The following COL27A1 variants were observed in gnomAD, a reference collection of about 807,000 sequenced individuals.
COL27A1 encodes collagen type XXVII alpha 1 chain.
In COL27A1, 106 loss-of-function variants were observed where a neutral mutation model predicts 251.3. The ratio of observed to expected loss-of-function variants is 0.42; its 90% CI spans 0.36 to 0.50. The LOEUF (loss-of-function observed/expected upper bound fraction) is 0.50. COL27A1 is among the 20% of genes least tolerant of loss of function. The probability of loss-of-function intolerance (pLI) is 0.00; values close to 1 mark genes in which losing one functional copy is unlikely to be tolerated. For missense variants in COL27A1, 2,325 were observed against 2,522.8 expected (o/e 0.92, Z 1.68); for synonymous variants, 1,000 against 986.3 (o/e 1.01, Z -0.26).
chr9:114,300,996 T>G (rs1011235524), intron 51 of COL27A1, 76 bp from the exon 52 acceptor site: 8 of 1,430,058 alleles, frequency 5.6e-6, no homozygotes, highest in Non-Finnish European at 3.8e-6. Context: ...ACGCTCGGGC[T>G]GCCCTCCACC....
At chr9:114,218,174 G>A (rs956797389) in intron 12 of COL27A1, 3 of 217,082 alleles carry the variant, frequency 1.4e-5, no homozygotes, top group African/African-American at 2.3e-5. Context: ...GAGGTGAGAC[G>A]ATCTACCTTC....
chr9:114,212,418 A>G (rs772456715), intron 12 of COL27A1, among the ~76,000 whole-genome samples: 14 of 152,252 alleles, frequency 9.2e-5, no homozygotes, highest in Non-Finnish European at 1.8e-4. Context: ...AGAGCAGTGG[A>G]TAAGACAAAG....
At chr9:114,215,288 C>G (rs28545589) in intron 12 of COL27A1, among the ~76,000 whole-genome samples, 2,029 of 152,340 alleles carry the variant, frequency 0.013, 49 homozygotes, top group African/African-American at 0.045. Flanking sequence ...TTACAGGCAG[C>G]AAGCAGCCAA....
chr9:114,234,910 T>C (rs921188976), intron 16 of COL27A1, among the ~76,000 whole-genome samples: 1 of 99,222 alleles, frequency 1.0e-5, no homozygotes, highest in Non-Finnish European at 2.1e-5. Flanking sequence ...TTACTAAAAA[T>C]ACAAAAAAAA....
chr9:114,269,909 G>A (rs5003737), intron 35 of COL27A1, among the ~76,000 whole-genome samples: 78,663 of 152,060 alleles, frequency 0.52, 22,720 homozygotes, highest in African/African-American at 0.79. Flanking sequence ...ACTCTGAACA[G>A]CGATGAATTC....
chr9:114,200,875 G>A (rs541256025), intron 7 of COL27A1, among the ~76,000 whole-genome samples: 233 of 152,340 alleles, frequency 1.5e-3, no homozygotes, highest in African/African-American at 5.4e-3. Context: ...AGCTTGGTGA[G>A]TTTCATGTCA....
At chr9:114,235,751 C>A (rs1257878023) in intron 17 of COL27A1, 99 bp downstream of exon 17, 1 of 870,506 alleles carries the variant, frequency 1.1e-6, no homozygotes, top group Non-Finnish European at 2.0e-6. Flanking sequence ...AGCAAGGACC[C>A]ACCTGTAAGA....
At chr9:114,266,490 C>T (rs1834752381) in intron 32 of COL27A1, 75 bp from the exon 33 acceptor site, 1 of 1,298,204 alleles carries the variant, frequency 7.7e-7, no homozygotes, top group Non-Finnish European at 1.1e-6. Flanking sequence ...TCAGCTCCCT[C>T]ATTCACCCCT....
intron 7 of COL27A1, among the ~76,000 whole-genome samples, chr9:114,197,387 G>A (rs567578361): frequency 5.9e-5 from 9 of 152,322 alleles, no homozygotes; most frequent in African/African-American, 2.2e-4. Context: ...CACCCCAGAA[G>A]CAGTGGCTGT....
At chr9:114,184,431 T>C (rs1329211786) in intron 5 of COL27A1, among the ~76,000 whole-genome samples, 2 of 152,172 alleles carry the variant, frequency 1.3e-5, no homozygotes, top group Non-Finnish European at 2.9e-5. Flanking sequence ...GGCATATGGA[T>C]CTGTGGTGTC....
rs374794878 is a variant in COL27A1, at chr9:114,253,507, GGAAGAACA to G, written c.3141+589_3141+596del. Among the ~76,000 whole-genome samples, 336 of 149,638 alleles carry G rather than the reference GGAAGAACA, an allele frequency of 2.2e-3. 8 individuals are homozygous for G. The South Asian group carries it at 0.037, about 16-fold the overall frequency. On this transcript the variant is annotated intron_variant, in intron 27 of 60. Coordinates refer to ENST00000356083, the MANE Select transcript of COL27A1 (RefSeq NM_032888.4). ...AGAAAGGAAGGAATGAAGGAAGGAAGGAAGAACAGAAGAACAGAAGAGAAGAGAAGAGG... is the reference window on the plus strand; with the variant it reads ...AGAAAGGAAGGAATGAAGGAAGGAAGGAAGAACAGAAGAGAAGAGAAGAGG...
intron 10 of COL27A1, among the ~76,000 whole-genome samples, chr9:114,207,371 C>T (rs1003788802): frequency 6.6e-6 from 1 of 152,138 alleles, no homozygotes; most frequent in African/African-American, 2.4e-5. Flanking sequence ...GCTCTTGTCC[C>T]AGGGTGCTGT....
rs747764444 is a variant in COL27A1 at position 114,290,213 on chromosome 9, G to A, written c.4261-11G>A. ...CCAAATGCCCTCACCAGCTTTTTAT[G>A]TACCCCCCAGGGCCTGCAGGGGCTG... On this transcript the variant is annotated splice_polypyrimidine_tract_variant and intron_variant, in intron 46 of 60. Transcript: ENST00000356083. The surrounding 1 kb of genome is among the most constrained non-coding windows in gnomAD (Gnocchi z 4.6). The A allele has an allele frequency of 4.8e-5, 68 of 1,410,030 alleles. No individual in the cohort carries two copies. The highest frequency in any genetic ancestry group is 6.2e-5 in the Non-Finnish European group (65 of 1,055,612). The allele number at this position is 1,410,030 out of a possible 1,614,324, so 87.3% of individuals were successfully genotyped here.
At chr9:114,272,678 C>A (rs1411851744) in intron 36 of COL27A1, 1 of 152,252 alleles carries the variant, frequency 6.6e-6, no homozygotes, top group Non-Finnish European at 1.5e-5. Context: ...ACATGCCAGA[C>A]ACACTGCTAA....
At chr9:114,176,242 T>C (rs115551578) in intron 3 of COL27A1, among the ~76,000 whole-genome samples, 1,747 of 152,300 alleles carry the variant, frequency 0.011, 46 homozygotes, top group African/African-American at 0.04. Flanking sequence ...TGGGTCCACC[T>C]GGGACAGTTG....
At chr9:114,250,155 G>A (rs994822873) in intron 24 of COL27A1, among the ~76,000 whole-genome samples, 3 of 152,210 alleles carry the variant, frequency 2.0e-5, no homozygotes, top group Non-Finnish European at 2.9e-5. Flanking sequence ...AGAGGCCTCC[G>A]CCTCCCCGAT....
chr9:114,219,646 C>T (rs1452715078), intron 12 of COL27A1, 145 bp from the exon 13 acceptor site: 1 of 616,760 alleles, frequency 1.6e-6, no homozygotes, highest in East Asian at 2.7e-5. Flanking sequence ...TAGGGGTGAC[C>T]TCAGGACCGC....
In COL27A1 at chr9:114,258,832, G is replaced by A. The variant is rs144271705; in HGVS notation, c.3195+238G>A. Among the ~76,000 whole-genome samples the A allele has an allele frequency of 6.3e-3, 953 of 152,292 alleles. 3 individuals are homozygous for A. Among genetic ancestry groups the A allele is most frequent in the African/African-American group, 0.015 (625 of 41,568 alleles). ...TCCACCAGGCACAGTCGGGCTCTCC[G>A]GTACTAGTTCTTTGTTCATTCATTT... On this transcript the variant is annotated intron_variant, in intron 28 of 60. Coordinates refer to ENST00000356083, the MANE Select transcript of COL27A1 (RefSeq NM_032888.4).
chr9:114,299,371 C>T (rs1033469723), intron 49 of COL27A1, among the ~76,000 whole-genome samples: 1 of 152,250 alleles, frequency 6.6e-6, no homozygotes, highest in African/African-American at 2.4e-5. Context: ...GCAGGCTCTT[C>T]TGCCTCCAGG....
Sources: gnomAD v4.1 joint callset for allele counts (sites outside exome capture counted in the v4.1 genomes callset) on GRCh38, gnomAD v4.1.1 for gene constraint, Gnocchi (gnomAD v3.1) non-coding constraint, MANE v1.5 for transcripts, NCBI Gene and HGNC (gene_info 2026-07-23, HGNC 2026-07-21) for gene names.